The following TAF9 variants were observed in gnomAD, a reference collection of about 807,000 sequenced individuals.
TAF9 encodes the protein transcription initiation factor TFIID subunit 9.
TAF9 carries 10 observed loss-of-function variants against 16.5 expected under a neutral mutation model. That is an observed-to-expected ratio of 0.61 (90% confidence interval 0.37 to 1.03). TAF9 has a LOEUF of 1.03. Ranked by LOEUF, TAF9 falls within the 50% of genes least tolerant of loss-of-function variation. The pLI, the probability that TAF9 is intolerant of heterozygous loss-of-function variation, is 0.01. For synonymous variants in TAF9, 105 were observed against 120.5 expected (o/e 0.87, Z 0.84); for missense variants, 288 against 319.1 (o/e 0.90, Z 0.74).
upstream of TAF9, chr5:69,369,713 C>T (rs1186304496): frequency 6.4e-7 from 1 of 1,551,162 alleles, no homozygotes. Flanking sequence ...TAACTCGGGT[C>T]GGTACTTCGG....
rs775559170 is a variant in TAF9, at chr5:69,365,117, T to A, written c.621A>T (p.Ser207=). 3 of 1,614,248 alleles carry A rather than the reference T, an allele frequency of 1.9e-6. No individual in the cohort carries two copies. The highest frequency in any genetic ancestry group is 2.5e-6 in the Non-Finnish European group (3 of 1,180,040). Residue 207 remains serine (S), a synonymous_variant, in exon 3 of 3, where the codon TCA becomes TCT. Coordinates refer to ENST00000217893, the MANE Select transcript of TAF9 (RefSeq NM_003187.5). ...GATTAATCAGAACATTCTGAACTGC[T>A]GAGGTTGCAGGAATTGAAGCTTTTA... ...PAVKASIPAT[S]AVQNVLINPS...
rs968273849 is a variant in TAF9, at chr5:69,364,806, T to C, written c.*137A>G. On this transcript the variant is annotated 3_prime_UTR_variant, in exon 3 of 3. Transcript: ENST00000217893. Reference sequence around the variant, plus strand: ...GGCTGATGAAAAACCTTCATTTCAATTGAAAAGTATGGTAACTGTGTTTAC... The same window carrying C: ...GGCTGATGAAAAACCTTCATTTCAACTGAAAAGTATGGTAACTGTGTTTAC... The C allele has an allele frequency of 2.7e-5, 22 of 807,686 alleles. No individual in the cohort carries two copies. In the African/African-American group the frequency reaches 3.4e-4, roughly 13 times the overall value. The allele number at this position is 807,686 out of a possible 1,614,324, so 50.0% of individuals were successfully genotyped here.
rs1161101878 is a variant in TAF9, at chr5:69,369,473, G to A, written c.-121C>T. The A allele has an allele frequency of 4.3e-6, 7 of 1,611,208 alleles. No individual in the cohort carries two copies. Among genetic ancestry groups the A allele is most frequent in the Non-Finnish European group, 5.1e-6 (6 of 1,179,298 alleles). ...GCCGCGCGCCCTGACCGGTGAGCAG[G>A]ATGTTCGGAAGCAACATGGTCCCCG... On this transcript the variant is annotated 5_prime_UTR_variant, in exon 1 of 3. Transcript: ENST00000217893.
chr5:69,365,502 G>C lies in TAF9; in HGVS notation c.236C>G (p.Ala79Gly). ...DDVRLAIQCR[A>G]DQSFTSPPPR... ...GGGAGGAGAGGTAAAAGACTGATCA[G>C]CGCGGCACTGGATTGCCAATCGCAC... Residue 79 changes from alanine (A) to glycine (G), a missense_variant, in exon 3 of 3, where the codon GCT becomes GGT. By Grantham distance (60) the Ala-to-Gly change is moderately conservative. Coordinates refer to ENST00000217893, the MANE Select transcript of TAF9 (RefSeq NM_003187.5). 6.2e-7 allele frequency: 1 copy of C among 1,613,984 alleles called. No homozygotes were observed. The highest frequency in any genetic ancestry group is 8.5e-7 in the Non-Finnish European group (1 of 1,179,914).
chr5:69,366,460 T>TAAA, intron 2 of TAF9, 43 bp downstream of exon 2: 3 of 1,299,284 alleles, frequency 2.3e-6, no homozygotes, highest in Non-Finnish European at 2.1e-6. Context: ...TACCAGACCT[T>TAAA]AAAAAAAAAA....
rs747145817 is a variant in TAF9 at position 69,365,742 on chromosome 5, T to C, written c.-5A>G. Reference sequence around the variant, plus strand: ...AGCCGTCTTGCCAGACTCCATGATATCCGATGATCAGACTTTAGATCATTT... The same window carrying C: ...AGCCGTCTTGCCAGACTCCATGATACCCGATGATCAGACTTTAGATCATTT... On this transcript the variant is annotated 5_prime_UTR_variant, in exon 3 of 3. Coordinates refer to ENST00000217893, the MANE Select transcript of TAF9 (RefSeq NM_003187.5). 1.2e-5 allele frequency: 18 copies of C among 1,529,116 alleles called. No homozygotes were observed. The highest frequency in any genetic ancestry group is 1.5e-5 in the Non-Finnish European group (17 of 1,139,322). The allele number at this position is 1,529,116 out of a possible 1,614,324, so 94.7% of individuals were successfully genotyped here.
In TAF9 at chr5:69,365,164, G is replaced by A. The variant is rs1762365240; in HGVS notation, c.574C>T (p.Pro192Ser). 6.2e-7 allele frequency: 1 copy of A among 1,614,182 alleles called. No individual in the cohort carries two copies. The highest frequency in any genetic ancestry group is 8.5e-7 in the Non-Finnish European group (1 of 1,180,030). ...LTGQRFTVQMPTSQSPAVKAS... is the reference protein window; with the variant it reads ...LTGQRFTVQMSTSQSPAVKAS... ...TTTACAGCTGGAGACTGAGAAGTAG[G>A]CATCTGTACTGTAAACCTTTGACCT... The change falls in exon 3 of 3, where the codon CCT (proline) becomes TCT (serine). Residue 192 changes from proline (P) to serine (S), a missense_variant. Coordinates refer to ENST00000217893, the MANE Select transcript of TAF9 (RefSeq NM_003187.5).
At chr5:69,369,368 G>A (rs1007412573) in intron 1 of TAF9, 95 bp downstream of exon 1, 75 of 1,417,990 alleles carry the variant, frequency 5.3e-5, no homozygotes, top group Middle Eastern at 2.4e-4. Flanking sequence ...CTCTGAAGAG[G>A]GCAGTGAGGG....
At position 69,366,625 on chromosome 5, in the gene TAF9, T is replaced by G. The variant is rs368718033; in HGVS notation, c.-110-30A>C. Reference sequence around the variant, plus strand: ...AAGACAAGCCACAGAAAAATACTGTTTGTGAAATACTACTTATCACACTGC... The same window carrying G: ...AAGACAAGCCACAGAAAAATACTGTGTGTGAAATACTACTTATCACACTGC... On this transcript the variant is annotated intron_variant, in intron 1 of 2. Transcript: ENST00000217893. 71 of 1,502,254 alleles carry G rather than the reference T, an allele frequency of 4.7e-5. 1 individual carries two copies. Among genetic ancestry groups the G allele is most frequent in the Non-Finnish European group, 6.0e-5 (65 of 1,079,298 alleles). The allele number at this position is 1,502,254 out of a possible 1,614,324, so 93.1% of individuals were successfully genotyped here. A position where few individuals can be genotyped will look rare whatever the true frequency, so the allele number is the denominator to read the frequency against.
At chr5:69,369,689 T>C (rs1252636503), upstream of TAF9, 1 of 1,553,598 alleles carries the variant, frequency 6.4e-7, no homozygotes, top group Admixed American at 2.0e-5. Context: ...CGTCGCAAAG[T>C]TGGAGGGTGG....
chr5:69,369,406 A>G, intron 1 of TAF9, 57 bp downstream of exon 1: 1 of 1,593,100 alleles, frequency 6.3e-7, no homozygotes. Context: ...CGATGCCCAG[A>G]GCACTCTGCG....
Position 69,364,879 on chromosome 5 carries a change from C to T in TAF9, c.*64G>A. 1 of 1,384,666 alleles carries T rather than the reference C, an allele frequency of 7.2e-7. No homozygotes were observed. The highest frequency in any genetic ancestry group is 1.3e-5 in the South Asian group (1 of 75,878). 85.8% of individuals were successfully genotyped at this position (1,384,666 alleles called of 1,614,324 possible). On this transcript the variant is annotated 3_prime_UTR_variant, in exon 3 of 3. Transcript: ENST00000217893. Reference sequence around the variant, plus strand: ...ACACAACTTGAAAACATCCAGCATGCATGTTTAATATCAGTACAATGAATT... The same window carrying T: ...ACACAACTTGAAAACATCCAGCATGTATGTTTAATATCAGTACAATGAATT...
upstream of TAF9, chr5:69,369,682 C>T (rs1255598756): frequency 3.2e-6 from 5 of 1,554,600 alleles, no homozygotes; most frequent in South Asian, 3.5e-5. Flanking sequence ...ACATTTCCGT[C>T]GCAAAGTTGG....
intron 1 of TAF9, 115 bp downstream of exon 1, chr5:69,369,348 C>A: frequency 8.3e-7 from 1 of 1,210,132 alleles, no homozygotes; most frequent in African/African-American, 1.6e-5. Context: ...CCTCGTGGCC[C>A]TCGGCCGGCC....
chr5:69,365,287 C>A lies in TAF9; in HGVS notation c.451G>T (p.Gly151Cys). 5.0e-6 allele frequency: 8 copies of A among 1,614,166 alleles called. No homozygotes were observed. Among genetic ancestry groups the A allele is most frequent in the Non-Finnish European group, 6.8e-6 (8 of 1,180,016 alleles). Residue 151 changes from glycine to cysteine, a missense_variant, in exon 3 of 3, where the codon GGT (glycine) becomes TGT (cysteine). Physicochemically the swap from Gly to Cys is radical, Grantham distance 159. Coordinates refer to ENST00000217893, the MANE Select transcript of TAF9 (RefSeq NM_003187.5). ...GRITVPRLSV[G>C]SVTSRPSTPT... The stretch of plus-strand genomic sequence containing the variant: ...GTACTTGGTCTGCTAGTAACTGAAC[C>A]AACACTTAACCGCGGGACTGTTATT...
At chr5:69,365,793 T>C (rs1250086754) in intron 2 of TAF9, 39 bp from the exon 3 acceptor site, 2 of 1,368,532 alleles carry the variant, frequency 1.5e-6, no homozygotes, top group East Asian at 2.4e-5. Flanking sequence ...ATTAGATCAA[T>C]CTGAAATAGT....
intron 1 of TAF9, 164 bp from the exon 2 acceptor site, chr5:69,366,759 T>C (rs557760380): frequency 6.6e-6 from 4 of 605,434 alleles, no homozygotes; most frequent in East Asian, 2.7e-5. Context: ...AGCAATCATA[T>C]GTAAAATTTT....
chr5:69,369,335 C>G, intron 1 of TAF9, 128 bp downstream of exon 1: 1 of 1,046,032 alleles, frequency 9.6e-7, no homozygotes, highest in Non-Finnish European at 1.3e-6. Context: ...GCGCTGACAA[C>G]CGCCTCGTGG....
chr5:69,365,355 C>T lies in TAF9; in HGVS notation c.383G>A (p.Arg128Lys). Residue 128 changes from arginine (R) to lysine (K), a missense_variant, in exon 3 of 3, where the codon AGG (arginine) becomes AAG (lysine). Transcript: ENST00000217893. The part of the protein sequence containing the change: ...DRYCLTAPNY[R>K]LKSLQKKAST... ...TGCCTTTTTCTGTAAAGATTTCAGC[C>T]TATAGTTTGGAGCTGTTAAGCAGTA... The T allele has an allele frequency of 6.2e-7, 1 of 1,614,154 alleles. No individual in the cohort carries two copies. The highest frequency in any genetic ancestry group is 8.5e-7 in the Non-Finnish European group (1 of 1,180,032).
Sources: allele counts gnomAD v4.1 joint callset, GRCh38; gene constraint gnomAD v4.1.1; transcripts MANE v1.5; gene names NCBI Gene and HGNC (gene_info 2026-07-23, HGNC 2026-07-21).